LHX5: variants seen among roughly 807,000 people sequenced by gnomAD.
LHX5 encodes the protein LIM/homeobox protein Lhx5.
LHX5 carries 5 observed loss-of-function variants against 30.6 expected under a neutral mutation model. The ratio of observed to expected loss-of-function variants is 0.16; its 90% CI spans 0.09 to 0.34. LHX5 has a LOEUF of 0.34. LHX5 is among the 10% of genes least tolerant of loss of function. The pLI, the probability that LHX5 is intolerant of heterozygous loss-of-function variation, is 1.00. For synonymous variants in LHX5, 266 were observed against 252.6 expected (o/e 1.05, Z -0.50); for missense variants, 458 against 570.6 (o/e 0.80, Z 2.01).
At position 113,463,197 on chromosome 12, in the gene LHX5, A is replaced by G. The variant is rs1958187070; in HGVS notation, c.1202T>C (p.Val401Ala). 3 of 1,513,038 alleles carry G rather than the reference A, an allele frequency of 2.0e-6. No homozygotes were observed. Among genetic ancestry groups the G allele is most frequent in the African/African-American group, 1.4e-5 (1 of 69,078 alleles). 93.7% of individuals were successfully genotyped at this position (1,513,038 alleles called of 1,614,324 possible). The change falls in exon 5 of 5, where the codon GTG becomes GCG. Residue 401 changes from valine to alanine, a missense_variant. Coordinates refer to ENST00000261731, the MANE Select transcript of LHX5 (RefSeq NM_022363.3). This position sits in a 1 kb window ranked among gnomAD's most constrained non-coding sequence, Gnocchi z 6.7. ...GGGGGCGGCCCGGCGGCCTTACCAC[A>G]CGGCGGCTTCGTTGAGCTCGGGGTT... ...HPNPELNEAA[V>A]W is the part of the protein sequence containing the mutation.
Position 113,463,406 on chromosome 12 carries a change from G to T in LHX5, c.993C>A (p.Ala331=). ...TPLGALEPPL[A]GPHAADNPRF... ...TGGGGTTGTCCGCGGCGTGCGGGCC[G>T]GCGAGCGGCGGTTCCAGCGCTCCCA... Residue 331 remains alanine (A), a synonymous_variant, in exon 5 of 5, where the codon GCC becomes GCA. Coordinates refer to ENST00000261731, the MANE Select transcript of LHX5 (RefSeq NM_022363.3). This position sits in a 1 kb window ranked among gnomAD's most constrained non-coding sequence, Gnocchi z 6.7. 6.4e-7 allele frequency: 1 copy of T among 1,552,956 alleles called. No homozygotes were observed. Among genetic ancestry groups the T allele is most frequent in the Non-Finnish European group, 8.7e-7 (1 of 1,150,760 alleles).
Position 113,469,119 on chromosome 12 carries a change from T to C in LHX5, c.397+3A>G, listed in dbSNP as rs1433246844. 6.2e-7 allele frequency: 1 copy of C among 1,610,204 alleles called. No individual in the cohort carries two copies. The highest frequency in any genetic ancestry group is 8.5e-7 in the Non-Finnish European group (1 of 1,177,870). On this transcript the variant is annotated splice_donor_region_variant and intron_variant, in intron 2 of 4. Coordinates refer to ENST00000261731, the MANE Select transcript of LHX5 (RefSeq NM_022363.3). ...AGGCTAGTGAGGGGCCCAGGCTTCC[T>C]ACCTGAGTTGAGGCTGCCCTCCTTG...
chr12:113,469,116 T>C lies in LHX5; in HGVS notation c.397+6A>G, dbSNP rs763807883. On this transcript the variant is annotated splice_donor_region_variant and intron_variant, in intron 2 of 4. Coordinates refer to ENST00000261731, the MANE Select transcript of LHX5 (RefSeq NM_022363.3). ...CTAAGGCTAGTGAGGGGCCCAGGCT[T>C]CCTACCTGAGTTGAGGCTGCCCTCC... The C allele has an allele frequency of 6.2e-7, 1 of 1,608,380 alleles. No homozygotes were observed. Among genetic ancestry groups the C allele is most frequent in the African/African-American group, 1.3e-5 (1 of 74,974 alleles).
rs995891828 is a variant in LHX5, at chr12:113,463,996, A to C, written c.842-439T>G. 6.6e-6 allele frequency among the ~76,000 whole-genome samples: 1 copy of C among 152,196 alleles called. No homozygotes were observed. Among genetic ancestry groups the C allele is most frequent in the Non-Finnish European group, 1.5e-5 (1 of 68,046 alleles). On this transcript the variant is annotated intron_variant, in intron 4 of 4. Coordinates refer to ENST00000261731, the MANE Select transcript of LHX5 (RefSeq NM_022363.3). The surrounding 1 kb of genome is among the most constrained non-coding windows in gnomAD (Gnocchi z 6.7). The stretch of plus-strand genomic sequence containing the variant: ...ACAGAGATGCGGGACAGCGAGAGAC[A>C]GACGGAGAGATCGGCAGAGGGGCAG...
rs1958218831 is a variant in LHX5 at position 113,466,973 on chromosome 12, T to G, written c.841+283A>C. 6.6e-6 allele frequency among the ~76,000 whole-genome samples: 1 copy of G among 151,828 alleles called. No homozygotes were observed. The highest frequency in any genetic ancestry group is 1.5e-5 in the Non-Finnish European group (1 of 67,986). On this transcript the variant is annotated intron_variant, in intron 4 of 4. Transcript: ENST00000261731. This position sits in a 1 kb window ranked among gnomAD's most constrained non-coding sequence, Gnocchi z 6.5. ...TCGTGCGATCGTGTCTAGACGTGTG[T>G]CCCTGGAGTCTCTGAACGCAAGTGT...
chr12:113,470,491 G>A (rs1958242229), intron 1 of LHX5, among the ~76,000 whole-genome samples: 2 of 152,220 alleles, frequency 1.3e-5, no homozygotes, highest in South Asian at 4.1e-4. Context: ...TCTCAGTGCG[G>A]AGTCGCTGGG....
Position 113,463,507 on chromosome 12 carries a change from G to T in LHX5, c.892C>A (p.His298Asn), listed in dbSNP as rs1298394598. 2 of 1,564,826 alleles carry T rather than the reference G, an allele frequency of 1.3e-6. No individual in the cohort carries two copies. Among genetic ancestry groups the T allele is most frequent in the Admixed American group, 3.6e-5 (2 of 55,752 alleles). ...APGSNYDFFA[H>N]GPPSQAQSPA... ...GACTGCGCCTGCGAAGGCGGGCCGT[G>T]CGCGAAGAAGTCGTAGTTGCTTCCC... is the stretch of plus-strand genomic sequence containing the variant. The change falls in exon 5 of 5, where the codon CAC (histidine) becomes AAC (asparagine). Residue 298 changes from histidine to asparagine, a missense_variant. Physicochemically the swap from His to Asn is moderately conservative, Grantham distance 68. Coordinates refer to ENST00000261731, the MANE Select transcript of LHX5 (RefSeq NM_022363.3). This position sits in a 1 kb window ranked among gnomAD's most constrained non-coding sequence, Gnocchi z 6.7.
At chr12:113,469,599 G>T (rs1958235238) in intron 1 of LHX5, among the ~76,000 whole-genome samples, 1 of 152,196 alleles carries the variant, frequency 6.6e-6, no homozygotes, top group Non-Finnish European at 1.5e-5. Context: ...GTGAGCAGTG[G>T]GTGCAGCCTT....
chr12:113,468,698 C>A (rs1450831842), intron 2 of LHX5, among the ~76,000 whole-genome samples: 2 of 152,230 alleles, frequency 1.3e-5, no homozygotes, highest in African/African-American at 4.8e-5. Flanking sequence ...CTCCCACTTT[C>A]AAGGAGAGGG....
In LHX5 at chr12:113,463,018, C is replaced by T. The variant is rs1396235351; in HGVS notation, c.*172G>A. 5.1e-6 allele frequency: 3 copies of T among 584,354 alleles called. No homozygotes were observed. The highest frequency in any genetic ancestry group is 8.5e-6 in the Non-Finnish European group (3 of 354,494). 36.2% of individuals were successfully genotyped at this position (584,354 alleles called of 1,614,324 possible). On this transcript the variant is annotated 3_prime_UTR_variant, in exon 5 of 5. Transcript: ENST00000261731. The surrounding 1 kb of genome is among the most constrained non-coding windows in gnomAD (Gnocchi z 6.7). ...CCCGCGGGGTGGAGATGGGGGTCGG[C>T]CCCCCCTCGGCGCCCAGCCGAGGAG... is the stretch of plus-strand genomic sequence containing the variant.
chr12:113,471,837 C>T lies in LHX5; in HGVS notation c.-339G>A, dbSNP rs956719488. On this transcript the variant is annotated 5_prime_UTR_variant, in exon 1 of 5. Transcript: ENST00000261731. Reference sequence around the variant, plus strand: ...GTGGCGGAGGCGCCGGCACTTTCCCCCACTTTCAAGCGGTCCGGATCCTCA... The same window carrying T: ...GTGGCGGAGGCGCCGGCACTTTCCCTCACTTTCAAGCGGTCCGGATCCTCA... 7 of 323,004 alleles carry T rather than the reference C, an allele frequency of 2.2e-5. No homozygotes were observed. The highest frequency in any genetic ancestry group is 1.2e-4 in the East Asian group (2 of 17,262). The allele number at this position is 323,004 out of a possible 1,614,324, so 20.0% of individuals were successfully genotyped here. A position where few individuals can be genotyped will look rare whatever the true frequency, so the allele number is the denominator to read the frequency against.
intron 1 of LHX5, 111 bp from the exon 2 acceptor site, chr12:113,469,456 T>C: frequency 1.1e-6 from 1 of 938,600 alleles, no homozygotes. Context: ...TTTCCATATC[T>C]GTCAAACGGA....
Position 113,466,260 on chromosome 12 carries a change from C to A in LHX5, c.841+996G>T, listed in dbSNP as rs1337341755. Among the ~76,000 whole-genome samples the A allele has an allele frequency of 6.6e-6, 1 of 152,152 alleles. No individual in the cohort carries two copies. The highest frequency in any genetic ancestry group is 1.5e-5 in the Non-Finnish European group (1 of 68,032). ...GCTTCAGAATAGAAGAGGAGAGGTG[C>A]TTTCTTGAGCCCTCAGCCCTGGGAA... On this transcript the variant is annotated intron_variant, in intron 4 of 4. Coordinates refer to ENST00000261731, the MANE Select transcript of LHX5 (RefSeq NM_022363.3). This position sits in a 1 kb window ranked among gnomAD's most constrained non-coding sequence, Gnocchi z 6.5.
Position 113,463,470 on chromosome 12 carries a change from G to A in LHX5, c.929C>T (p.Ser310Phe). ...GGGGCCAGAGGCCGCCAGGAAGCTG[G>A]AGTCGGCCGGGGACTGCGCCTGCGA... ...PPSQAQSPAD[S>F]SFLAASGPGS... The change falls in exon 5 of 5, where the codon TCC becomes TTC. Residue 310 changes from serine (S) to phenylalanine (F), a missense_variant. Transcript: ENST00000261731. This position sits in a 1 kb window ranked among gnomAD's most constrained non-coding sequence, Gnocchi z 6.7. 1 of 1,565,150 alleles carries A rather than the reference G, an allele frequency of 6.4e-7. No individual in the cohort carries two copies. The highest frequency in any genetic ancestry group is 8.6e-7 in the Non-Finnish European group (1 of 1,161,282).
intron 1 of LHX5, among the ~76,000 whole-genome samples, chr12:113,469,600 G>A (rs1004165718): frequency 6.6e-6 from 1 of 152,218 alleles, no homozygotes; most frequent in Non-Finnish European, 1.5e-5. Flanking sequence ...TGAGCAGTGG[G>A]TGCAGCCTTC....
rs544516548 is a variant in LHX5 at position 113,467,905 on chromosome 12, G to T, written c.675+222C>A. On this transcript the variant is annotated intron_variant, in intron 3 of 4. Transcript: ENST00000261731. The surrounding 1 kb of genome is among the most constrained non-coding windows in gnomAD (Gnocchi z 6.3). ...GGGGCGGAATTCAGAGAGGTAAAGTGACCCGCCCCCAAATCGCAATACCAG... is the reference window on the plus strand; with the variant it reads ...GGGGCGGAATTCAGAGAGGTAAAGTTACCCGCCCCCAAATCGCAATACCAG... Among the ~76,000 whole-genome samples the T allele has an allele frequency of 5.6e-4, 86 of 152,358 alleles. No homozygotes were observed. Among genetic ancestry groups the T allele is most frequent in the African/African-American group, 2.0e-3 (85 of 41,584 alleles).
chr12:113,470,269 T>C (rs957599193), intron 1 of LHX5, among the ~76,000 whole-genome samples: 1 of 152,122 alleles, frequency 6.6e-6, no homozygotes, highest in African/African-American at 2.4e-5. Context: ...CCCATGTCTC[T>C]AAACAGGGCG....
Position 113,463,791 on chromosome 12 carries a change from G to C in LHX5, c.842-234C>G, listed in dbSNP as rs1446518413. On this transcript the variant is annotated intron_variant, in intron 4 of 4. Coordinates refer to ENST00000261731, the MANE Select transcript of LHX5 (RefSeq NM_022363.3). The surrounding 1 kb of genome is among the most constrained non-coding windows in gnomAD (Gnocchi z 6.7). ...AGATCTCGAAAGGGCAAGAGACTCA[G>C]ACTGCCAGAGACCACACACAGAGAC... 2.6e-5 allele frequency among the ~76,000 whole-genome samples: 4 copies of C among 152,178 alleles called. No individual in the cohort carries two copies. Among genetic ancestry groups the C allele is most frequent in the African/African-American group, 9.7e-5 (4 of 41,440 alleles).
In LHX5 at chr12:113,467,567, G is replaced by T. The variant is rs1958222697; in HGVS notation, c.676-146C>A. On this transcript the variant is annotated intron_variant, in intron 3 of 4. Transcript: ENST00000261731. The surrounding 1 kb of genome is among the most constrained non-coding windows in gnomAD (Gnocchi z 6.3). ...CCGAGGCGGGGCCGGGCCGGATTAG[G>T]CCGGGAGGGGTGGAGAGAGGCTTCG... 1.3e-6 allele frequency: 1 copy of T among 767,566 alleles called. No homozygotes were observed. Among genetic ancestry groups the T allele is most frequent in the Non-Finnish European group, 1.9e-6 (1 of 522,106 alleles). 47.5% of individuals were successfully genotyped at this position (767,566 alleles called of 1,614,324 possible). A position where few individuals can be genotyped will look rare whatever the true frequency, so the allele number is the denominator to read the frequency against.
Sources: allele counts gnomAD v4.1 joint callset (sites outside exome capture counted in the v4.1 genomes callset), GRCh38; gene constraint gnomAD v4.1.1; non-coding constraint Gnocchi (gnomAD v3.1); transcripts MANE v1.5; gene names NCBI Gene and HGNC (gene_info 2026-07-23, HGNC 2026-07-21).